CAST: variants seen among roughly 807,000 people sequenced by gnomAD.
CAST encodes MIR583 host.
CAST carries 76 observed loss-of-function variants against 119.6 expected under a neutral mutation model. That is an observed-to-expected ratio of 0.64 (90% CI 0.53 to 0.77). CAST has a LOEUF of 0.77. Ranked by LOEUF, CAST falls within the 30% of genes least tolerant of loss-of-function variation. CAST has a pLI of 0.00. For synonymous variants in CAST, 319 were observed against 331.6 expected (o/e 0.96, Z 0.41); for missense variants, 953 against 946.5 (o/e 1.01, Z -0.09).
intron 2 of CAST, among the ~76,000 whole-genome samples, chr5:96,687,958 G>T (rs946951279): frequency 9.9e-5 from 15 of 152,276 alleles, no homozygotes; most frequent in East Asian, 3.9e-4. Context: ...GATAATGAGG[G>T]TTCTTACTAC....
At chr5:96,290,000 T>C in the CAST span, among the ~76,000 whole-genome samples, 1 of 152,200 alleles carries the variant, frequency 6.6e-6, no homozygotes, top group South Asian at 2.1e-4. Context: ...CCAATTGTTT[T>C]GTTTTATATA....
intron 29 of CAST, among the ~76,000 whole-genome samples, 157 bp downstream of exon 29, chr5:96,768,156 T>C (rs1020170069): frequency 4.6e-5 from 7 of 152,218 alleles, no homozygotes; most frequent in Non-Finnish European, 1.0e-4. Context: ...TGATCTCAGC[T>C]TACTGCGATC....
At chr5:96,133,687 A>G in the CAST span, among the ~76,000 whole-genome samples, 2 of 152,202 alleles carry the variant, frequency 1.3e-5, no homozygotes, top group East Asian at 3.8e-4. Context: ...TTAAATTCTT[A>G]CCTGGAACTG....
At chr5:96,351,309 TATGGCCAAAGAGATATA>T in the CAST span, among the ~76,000 whole-genome samples, 9 of 152,196 alleles carry the variant, frequency 5.9e-5, no homozygotes, top group African/African-American at 2.2e-4. Context: ...TGTGACTTGC[TATGGCCAAAGAGATATA>T]ATGGCGGTGG....
chr5:96,581,798 G>A (rs1746773784), intron 1 of CAST, among the ~76,000 whole-genome samples: 2 of 152,164 alleles, frequency 1.3e-5, no homozygotes, highest in South Asian at 4.1e-4. Context: ...GGCTGAGGCA[G>A]GAGAATGGTG....
At chr5:96,151,425 C>T in the CAST span, among the ~76,000 whole-genome samples, 3 of 152,140 alleles carry the variant, frequency 2.0e-5, no homozygotes, top group Non-Finnish European at 4.4e-5. Context: ...CACTTGAGTC[C>T]AGGAGTTCAA....
chr5:96,469,722 G>A, the CAST span, among the ~76,000 whole-genome samples: 1 of 151,386 alleles, frequency 6.6e-6, no homozygotes, highest in Admixed American at 6.6e-5. Flanking sequence ...CTGTTTTCTA[G>A]TTGGATGATA....
chr5:96,626,073 T>C, intron 1 of CAST, among the ~76,000 whole-genome samples: 1 of 152,162 alleles, frequency 6.6e-6, no homozygotes, highest in East Asian at 1.9e-4. Flanking sequence ...CACGGACACT[T>C]TCCCCTAATA....
the CAST span, among the ~76,000 whole-genome samples, chr5:96,349,139 A>ATTTTTTTTT: frequency 6.6e-4 from 59 of 89,620 alleles, 6 homozygotes; most frequent in East Asian, 2.2e-3. Flanking sequence ...CAAGGACACT[A>ATTTTTTTTT]TTTTTTTTTT....
the CAST span, among the ~76,000 whole-genome samples, chr5:96,020,626 A>G: frequency 1.3e-5 from 2 of 152,192 alleles, no homozygotes; most frequent in East Asian, 1.9e-4. Context: ...CGAGAATCTA[A>G]TGCTTGATGA....
At chr5:96,086,489 T>A in the CAST span, among the ~76,000 whole-genome samples, 6 of 152,244 alleles carry the variant, frequency 3.9e-5, no homozygotes, top group Admixed American at 2.0e-4. Flanking sequence ...GTGCATTGCA[T>A]GTATCTCTAT....
intron 1 of CAST, among the ~76,000 whole-genome samples, chr5:96,564,511 C>T (rs1580826793): frequency 6.6e-6 from 1 of 152,354 alleles, no homozygotes; most frequent in Non-Finnish European, 1.5e-5. Context: ...AAAGTGCAAT[C>T]AGACTTTTAT....
the CAST span, among the ~76,000 whole-genome samples, chr5:96,362,727 G>C: frequency 6.6e-6 from 1 of 152,138 alleles, no homozygotes; most frequent in East Asian, 1.9e-4. Context: ...GTGGATTCTG[G>C]ATATTAGCCC....
chr5:96,141,962 G>A, the CAST span, among the ~76,000 whole-genome samples: 2,393 of 152,312 alleles, frequency 0.016, 50 homozygotes, highest in African/African-American at 0.054. Context: ...GACCATTTGA[G>A]GAGTTAAATG....
At chr5:96,529,936 A>G in intron 1 of CAST, 1 of 322,584 alleles carries the variant, frequency 3.1e-6, no homozygotes, top group Non-Finnish European at 6.2e-6. Context: ...GTGTTTTTTC[A>G]TAGAACCGTG....
chr5:96,393,823 G>A, the CAST span, among the ~76,000 whole-genome samples: 1,398 of 152,294 alleles, frequency 9.2e-3, 16 homozygotes, highest in African/African-American at 0.032. Flanking sequence ...CTGGCTTTCA[G>A]AACTACCCTT....
chr5:96,762,055 A>T (rs2150680921), intron 24 of CAST: 1 of 384,470 alleles, frequency 2.6e-6, no homozygotes, highest in South Asian at 7.7e-5. Flanking sequence ...ATTTAGAATA[A>T]TCAATATGAG....
the CAST span, among the ~76,000 whole-genome samples, chr5:96,412,750 A>ATGT: frequency 1.6e-5 from 1 of 63,388 alleles, no homozygotes; most frequent in African/African-American, 7.9e-5. Flanking sequence ...GGCAGCTGTG[A>ATGT]TGTTTTTTTT....
the CAST span, among the ~76,000 whole-genome samples, chr5:96,487,759 A>G: frequency 6.6e-6 from 1 of 152,304 alleles, no homozygotes; most frequent in East Asian, 1.9e-4. Context: ...CAGATCCAAA[A>G]TTTTATTCTG....
Sources: gnomAD v4.1 joint callset for allele counts (sites outside exome capture counted in the v4.1 genomes callset) on GRCh38, gnomAD v4.1.1 for gene constraint, MANE v1.5 for transcripts, NCBI Gene and HGNC (gene_info 2026-07-23, HGNC 2026-07-21) for gene names.